The following LTBP1 variants were observed in gnomAD, a reference collection of about 807,000 sequenced individuals.
LTBP1 encodes the protein latent transforming growth factor beta binding protein 1.
Under a neutral mutation model 207.6 loss-of-function variants are expected in LTBP1, and 129 were observed. The observed-to-expected ratio is 0.62, with a 90% CI of 0.54 to 0.72. LTBP1 has a LOEUF of 0.72. Ranked by LOEUF, LTBP1 falls within the 30% of genes least tolerant of loss-of-function variation. LTBP1 has a pLI of 0.00. For missense variants in LTBP1, 2,281 were observed against 2,217.2 expected (o/e 1.03, Z -0.58); for synonymous variants, 963 against 833.7 (o/e 1.16, Z -2.67).
intron 5 of LTBP1, among the ~76,000 whole-genome samples, chr2:33,180,459 T>G (rs1468128712): frequency 9.9e-5 from 15 of 151,596 alleles, no homozygotes; most frequent in African/African-American, 2.9e-4. Context: ...GCATAGTTTT[T>G]TTTTTTTTTT....
intron 24 of LTBP1, among the ~76,000 whole-genome samples, chr2:33,318,415 A>G (rs1453155769): frequency 6.6e-6 from 1 of 152,220 alleles, no homozygotes; most frequent in African/African-American, 2.4e-5. Context: ...AGGGTAAAAC[A>G]TACAATTCTT....
chr2:32,993,538 T>G (rs912851517), intron 2 of LTBP1, among the ~76,000 whole-genome samples: 3 of 152,202 alleles, frequency 2.0e-5, no homozygotes, highest in African/African-American at 7.2e-5. Context: ...GTGTCTATGT[T>G]TAGAAGACTT....
At chr2:33,062,864 C>G (rs1191420622) in intron 3 of LTBP1, among the ~76,000 whole-genome samples, 5 of 152,118 alleles carry the variant, frequency 3.3e-5, no homozygotes, top group Non-Finnish European at 7.3e-5. Flanking sequence ...GAGTCATGTC[C>G]CAGGTGGGAC....
chr2:32,967,871 C>T lies in LTBP1; in HGVS notation c.565+18926C>T, dbSNP rs192800403. On this transcript the variant is annotated intron_variant, in intron 2 of 33. Transcript: ENST00000404816. ...ACGTTGAATTCCAATTATGTCCTTA[C>T]TGATTTTCTGCATGCTGGATCTGTT... Among the ~76,000 whole-genome samples, 16 of 152,272 alleles carry T rather than the reference C, an allele frequency of 1.1e-4. No individual in the cohort carries two copies. In the East Asian group the frequency reaches 3.1e-3, roughly 29 times the overall value.
chr2:33,089,529 C>A (rs575654707), intron 3 of LTBP1, among the ~76,000 whole-genome samples: 8 of 152,238 alleles, frequency 5.3e-5, no homozygotes, highest in African/African-American at 1.9e-4. Flanking sequence ...CAAGATAGCC[C>A]CCTACAACAG....
In LTBP1 at chr2:33,052,675, A is replaced by G. The variant is rs536111783; in HGVS notation, c.863+31469A>G. ...GGTTTATTGAGGAGAATGTATCTTCATATACTATTTGTAAGTTTTCTGTAT... is the reference window on the plus strand; with the variant it reads ...GGTTTATTGAGGAGAATGTATCTTCGTATACTATTTGTAAGTTTTCTGTAT... On this transcript the variant is annotated intron_variant, in intron 3 of 33. Transcript: ENST00000404816. Among the ~76,000 whole-genome samples, 4 of 152,332 alleles carry G rather than the reference A, an allele frequency of 2.6e-5. No homozygotes were observed. In the South Asian group the frequency reaches 6.2e-4, roughly 24 times the overall value.
intron 7 of LTBP1, among the ~76,000 whole-genome samples, chr2:33,198,966 T>C (rs1481001381): frequency 6.6e-6 from 1 of 152,234 alleles, no homozygotes; most frequent in African/African-American, 2.4e-5. Context: ...GCTCTTGCTT[T>C]TCTAGTTCTT....
intron 32 of LTBP1, among the ~76,000 whole-genome samples, chr2:33,394,744 C>G (rs1210266834): frequency 6.6e-6 from 1 of 152,132 alleles, no homozygotes; most frequent in Non-Finnish European, 1.5e-5. Context: ...AGCATGATGC[C>G]TCCAGCTTTG....
intron 24 of LTBP1, among the ~76,000 whole-genome samples, chr2:33,316,284 A>G (rs1412931338): frequency 1.3e-5 from 2 of 152,100 alleles, no homozygotes; most frequent in Non-Finnish European, 2.9e-5. Context: ...ACTCAGCTAT[A>G]TTTTAAAGAA....
chr2:33,326,314 C>T (rs1251971237), intron 24 of LTBP1, among the ~76,000 whole-genome samples: 1 of 152,194 alleles, frequency 6.6e-6, no homozygotes, highest in Non-Finnish European at 1.5e-5. Context: ...CCAGCACAAA[C>T]TGCGTGTTTG....
intron 2 of LTBP1, among the ~76,000 whole-genome samples, chr2:32,991,565 T>C (rs1342549557): frequency 6.6e-6 from 1 of 152,256 alleles, no homozygotes; most frequent in South Asian, 2.1e-4. Flanking sequence ...CTTGCGGAAC[T>C]TCACAGTTGA....
intron 2 of LTBP1, among the ~76,000 whole-genome samples, chr2:32,953,208 A>T (rs757750648): frequency 2.0e-5 from 3 of 152,192 alleles, no homozygotes; most frequent in Non-Finnish European, 4.4e-5. Context: ...TGGTGCTCAG[A>T]GATGCAGTGG....
intron 3 of LTBP1, among the ~76,000 whole-genome samples, chr2:33,102,100 C>T (rs962383280): frequency 6.6e-6 from 1 of 151,998 alleles, no homozygotes; most frequent in African/African-American, 2.4e-5. Context: ...GTTTTGATCT[C>T]CTCCTTCTCC....
At chr2:33,317,958 A>T (rs375696254) in intron 24 of LTBP1, 1 of 152,172 alleles carries the variant, frequency 6.6e-6, no homozygotes, top group South Asian at 2.1e-4. Context: ...TTTCTCTTAC[A>T]TGTATAGATT....
intron 4 of LTBP1, among the ~76,000 whole-genome samples, chr2:33,113,625 A>G (rs375535561): frequency 8.9e-4 from 135 of 152,236 alleles, no homozygotes; most frequent in African/African-American, 3.1e-3. Context: ...GATTCTGTAT[A>G]TTTACCAGTC....
intron 2 of LTBP1, among the ~76,000 whole-genome samples, chr2:32,959,621 A>ATATAGTTTTTTTTT (rs1475834284): frequency 2.7e-5 from 1 of 36,668 alleles, no homozygotes; most frequent in Non-Finnish European, 5.0e-5. Flanking sequence ...ATATATATAT[A>ATATAGTTTTTTTTT]TTTTTTTTTT....
rs142951305 is a variant in LTBP1, at chr2:33,108,745, C to T, written c.864-1837C>T. Among the ~76,000 whole-genome samples the T allele has an allele frequency of 8.0e-3, 1,217 of 152,080 alleles. 11 individuals carry two copies. Among genetic ancestry groups the T allele is most frequent in the Middle Eastern group, 0.01 (3 of 294 alleles). ...CATGGTGACAGGGTGGCAGCATGGCCGGAGGGCAAATTGCTTCCGAGATGC... is the reference window on the plus strand; with the variant it reads ...CATGGTGACAGGGTGGCAGCATGGCTGGAGGGCAAATTGCTTCCGAGATGC... On this transcript the variant is annotated intron_variant, in intron 3 of 33. Transcript: ENST00000404816.
chr2:33,290,561 C>T (rs2093754298), intron 19 of LTBP1, among the ~76,000 whole-genome samples: 1 of 152,092 alleles, frequency 6.6e-6, no homozygotes, highest in African/African-American at 2.4e-5. Context: ...TTAGAGAAGC[C>T]AAGTCTTAGA....
chr2:33,181,891 A>G (rs2086676813), intron 5 of LTBP1, among the ~76,000 whole-genome samples: 1 of 152,184 alleles, frequency 6.6e-6, no homozygotes, highest in South Asian at 2.1e-4. Context: ...TTGAAACAGA[A>G]GGAAACTATT....
Sources: gnomAD v4.1 joint callset for allele counts (sites outside exome capture counted in the v4.1 genomes callset) on GRCh38, gnomAD v4.1.1 for gene constraint, MANE v1.5 for transcripts, NCBI Gene and HGNC (gene_info 2026-07-23, HGNC 2026-07-21) for gene names.